The following PPP2R5C variants were observed in gnomAD, a reference collection of about 807,000 sequenced individuals.
The protein encoded by PPP2R5C is serine/threonine-protein phosphatase 2A 56 kDa regulatory subunit gamma isoform.
A neutral mutation model predicts 68.9 loss-of-function variants in PPP2R5C; 7 were observed. The ratio of observed to expected loss-of-function variants is 0.10; its 90% CI spans 0.06 to 0.19. The LOEUF (loss-of-function observed/expected upper bound fraction) is 0.19, where lower values mean the gene tolerates loss of function less well. Ranked by LOEUF, PPP2R5C falls within the 10% of genes least tolerant of loss-of-function variation. PPP2R5C has a pLI of 1.00. For synonymous variants in PPP2R5C, 210 were observed against 222.2 expected, an observed-to-expected ratio of 0.95 and a Z score of 0.49; for missense variants, 348 against 641.3, an observed-to-expected ratio of 0.54 and a Z score of 4.94.
rs1438111525 is a variant in PPP2R5C, at chr14:101,877,111, G to T, written c.295-5050G>T. Among the ~76,000 whole-genome samples the T allele has an allele frequency of 1.3e-5, 2 of 151,842 alleles. No homozygotes were observed. The highest frequency in any genetic ancestry group is 4.8e-5 in the African/African-American group (2 of 41,342). The stretch of plus-strand genomic sequence containing the variant: ...TTACAGGCACCCACCACCACACCCA[G>T]CTAAGTTTTGTATTTTTAGTGGAGA... On this transcript the variant is annotated intron_variant, in intron 2 of 13. Coordinates refer to ENST00000334743, the Ensembl canonical transcript of PPP2R5C. The surrounding 1 kb of genome is among the most constrained non-coding windows in gnomAD (Gnocchi z 4.2).
intron 3 of PPP2R5C, among the ~76,000 whole-genome samples, chr14:101,798,808 T>C (rs757304947): frequency 1.3e-5 from 2 of 152,128 alleles, no homozygotes; most frequent in African/African-American, 2.4e-5. Flanking sequence ...AGGTTCAGAA[T>C]GTCACTGCGA....
chr14:101,810,160 C>G (rs1309054086), intron 1 of PPP2R5C: 2 of 894,002 alleles, frequency 2.2e-6, no homozygotes, highest in Non-Finnish European at 3.5e-6. Flanking sequence ...TCGCTGCAGA[C>G]TTAACCAGAG....
At chr14:101,919,980 A>AAACAAAAAAAAAC (rs1555403919) in intron 13 of PPP2R5C, among the ~76,000 whole-genome samples, 4 of 114,144 alleles carry the variant, frequency 3.5e-5, no homozygotes, top group East Asian at 3.9e-4. Context: ...AAAAAAAAAA[A>AAACAAAAAAAAAC]AAAAAAAAAA....
At position 101,899,567 on chromosome 14, in the gene PPP2R5C, C is replaced by G. The variant is rs1419241173; in HGVS notation, c.853-2152C>G. 2.0e-5 allele frequency among the ~76,000 whole-genome samples: 3 copies of G among 152,186 alleles called. No individual in the cohort carries two copies. Among genetic ancestry groups the G allele is most frequent in the African/African-American group, 2.4e-5 (1 of 41,444 alleles). On this transcript the variant is annotated intron_variant, in intron 8 of 13. Coordinates refer to ENST00000334743, the Ensembl canonical transcript of PPP2R5C. The surrounding 1 kb of genome is among the most constrained non-coding windows in gnomAD (Gnocchi z 4.2). ...AGGAAGGCCCGTGTGTGAATCCGAT[C>G]CCAGAAATGATACCTTTTCCAGAGA...
At chr14:101,859,309 G>T (rs1416717793) in intron 2 of PPP2R5C, among the ~76,000 whole-genome samples, 1 of 152,360 alleles carries the variant, frequency 6.6e-6, no homozygotes, top group South Asian at 2.1e-4. Flanking sequence ...AATAGATAGG[G>T]TTGCAAGACT....
At chr14:101,771,150 A>G (rs1400247234) in intron 2 of PPP2R5C, among the ~76,000 whole-genome samples, 1 of 152,088 alleles carries the variant, frequency 6.6e-6, no homozygotes, top group African/African-American at 2.4e-5. Context: ...GTGAGAGAAC[A>G]AGCCTAGAAA....
rs796501406 is a variant in PPP2R5C at position 101,802,951 on chromosome 14, T to A, written c.259+16768T>A. Among the ~76,000 whole-genome samples, 217 of 99,908 alleles carry A rather than the reference T, an allele frequency of 2.2e-3. 1 individual carries two copies. The highest frequency in any genetic ancestry group is 7.8e-3 in the African/African-American group (203 of 26,096). 65.5% of individuals were successfully genotyped at this position (99,908 alleles called of 152,430 possible). ...CACACCCACTAGGATGGCTACTATT[T>A]AAAAAAAAAAAAAAAAAAAAAAAGG... On this transcript the variant is annotated intron_variant, in intron 3 of 14. Coordinates refer to the PPP2R5C transcript ENST00000328724.
At chr14:101,820,368 C>G (rs115496299) in intron 1 of PPP2R5C, 2 of 152,106 alleles carry the variant, frequency 1.3e-5, no homozygotes, top group African/African-American at 4.8e-5. Flanking sequence ...TTGATGTATA[C>G]GGTGGAAGGT....
chr14:101,908,808 C>T (rs1404624758), intron 10 of PPP2R5C, among the ~76,000 whole-genome samples: 2 of 151,912 alleles, frequency 1.3e-5, no homozygotes, highest in East Asian at 3.8e-4. Flanking sequence ...CCGCCCATTG[C>T]AAAGAAAAAA....
chr14:101,765,240 G>A (rs1285271325), intron 2 of PPP2R5C: 2 of 702,760 alleles, frequency 2.8e-6, no homozygotes, highest in Admixed American at 2.0e-5. Flanking sequence ...TTCCTCATAA[G>A]GATACCAGAG....
At chr14:101,880,454 C>T (rs1009093559) in intron 2 of PPP2R5C, among the ~76,000 whole-genome samples, 8 of 152,112 alleles carry the variant, frequency 5.3e-5, no homozygotes, top group Admixed American at 3.9e-4. Context: ...TGATGACTTT[C>T]TGAAAAATGA....
At chr14:101,764,820 G>C (rs925277865) in intron 2 of PPP2R5C, among the ~76,000 whole-genome samples, 2 of 56,918 alleles carry the variant, frequency 3.5e-5, no homozygotes, top group African/African-American at 1.4e-4. Flanking sequence ...TTTTTTTTTT[G>C]GTCTTTTGAT....
Position 101,877,726 on chromosome 14 carries a change from G to A in PPP2R5C, c.295-4435G>A, listed in dbSNP as rs577878505. ...CGTTGGCCCTCTGTTCCTTCCCCCC[G>A]CCCCAGTATTACTTTTTACTTAACC... On this transcript the variant is annotated intron_variant, in intron 2 of 13. Coordinates refer to ENST00000334743, the Ensembl canonical transcript of PPP2R5C. The surrounding 1 kb of genome is among the most constrained non-coding windows in gnomAD (Gnocchi z 4.2). Among the ~76,000 whole-genome samples, 1 of 152,136 alleles carries A rather than the reference G, an allele frequency of 6.6e-6. No homozygotes were observed. Among genetic ancestry groups the A allele is most frequent in the East Asian group, 1.9e-4 (1 of 5,172 alleles).
At chr14:101,761,992 G>A in intron 1 of PPP2R5C, 72 bp downstream of exon 1, 1 of 1,165,108 alleles carries the variant, frequency 8.6e-7, no homozygotes, top group Non-Finnish European at 1.1e-6. Flanking sequence ...ACGGCACCGG[G>A]GTCCTGCGCC....
At chr14:101,907,983 G>A (rs1435389265) in intron 10 of PPP2R5C, among the ~76,000 whole-genome samples, 3 of 152,180 alleles carry the variant, frequency 2.0e-5, no homozygotes, top group Non-Finnish European at 4.4e-5. Flanking sequence ...ATTCAACAGA[G>A]AAGGGCAGGC....
At chr14:101,874,606 C>G (rs2043634391) in intron 2 of PPP2R5C, among the ~76,000 whole-genome samples, 1 of 152,114 alleles carries the variant, frequency 6.6e-6, no homozygotes, top group Non-Finnish European at 1.5e-5. Flanking sequence ...ATGCACATAA[C>G]TGTAAATGAT....
upstream of PPP2R5C, among the ~76,000 whole-genome samples, chr14:101,808,672 C>T (rs895317996): frequency 2.0e-5 from 3 of 152,110 alleles, no homozygotes; most frequent in African/African-American, 7.2e-5. Flanking sequence ...TGTTTAGGAA[C>T]TAAAGGGCTT....
chr14:101,907,611 A>C (rs2046118646), intron 10 of PPP2R5C, among the ~76,000 whole-genome samples: 2 of 152,146 alleles, frequency 1.3e-5, no homozygotes, highest in African/African-American at 2.4e-5. Flanking sequence ...AGGTTATGCT[A>C]TCCAGCCCTC....
At chr14:101,900,534 A>C (rs1057074443) in intron 8 of PPP2R5C, among the ~76,000 whole-genome samples, 36 of 152,384 alleles carry the variant, frequency 2.4e-4, no homozygotes, top group African/African-American at 8.7e-4. Context: ...TGTACAATTC[A>C]GTGTGTAAGC....
Sources: allele counts gnomAD v4.1 joint callset (sites outside exome capture counted in the v4.1 genomes callset), GRCh38; gene constraint gnomAD v4.1.1; non-coding constraint Gnocchi (gnomAD v3.1); transcripts MANE v1.5; gene names NCBI Gene and HGNC (gene_info 2026-07-23, HGNC 2026-07-21).